The following CTNND2 variants were observed in gnomAD, a reference collection of about 807,000 sequenced individuals.
CTNND2 encodes the protein catenin delta 2, also known as catenin delta-2.
In CTNND2, 22 loss-of-function variants were observed where a neutral mutation model predicts 144.4. The observed-to-expected ratio is 0.15, with a 90% CI of 0.11 to 0.22. The LOEUF (loss-of-function observed/expected upper bound fraction) is 0.22. Ranked by LOEUF, CTNND2 falls within the 10% of genes least tolerant of loss-of-function variation. The pLI is 1.00. For missense variants in CTNND2, 1,353 were observed against 1,618.8 expected, an observed-to-expected ratio of 0.84 and a Z score of 2.82; for synonymous variants, 751 against 695.6, an observed-to-expected ratio of 1.08 and a Z score of -1.25.
chr5:11,397,497 A>G (rs2149816510), intron 5 of CTNND2, among the ~76,000 whole-genome samples: 1 of 152,264 alleles, frequency 6.6e-6, no homozygotes, highest in African/African-American at 2.4e-5. Context: ...TTAGTTAATC[A>G]AGTAGTTATT....
chr5:11,776,349 A>C (rs1790253233), intron 1 of CTNND2, among the ~76,000 whole-genome samples: 1 of 152,186 alleles, frequency 6.6e-6, no homozygotes, highest in African/African-American at 2.4e-5. Context: ...CCTCTGTAAG[A>C]TAGATACCCA....
intron 3 of CTNND2, among the ~76,000 whole-genome samples, chr5:11,418,024 C>A (rs918526661): frequency 1.3e-5 from 2 of 151,850 alleles, no homozygotes; most frequent in African/African-American, 4.8e-5. Context: ...ATATTTGTTG[C>A]ACCCAAATAA....
chr5:11,323,212 AAC>A (rs1180869792), intron 9 of CTNND2, among the ~76,000 whole-genome samples: 41 of 131,284 alleles, frequency 3.1e-4, no homozygotes, highest in African/African-American at 1.1e-3. Flanking sequence ...CAAATTAAAA[AAC>A]AAAAACATTT....
At chr5:11,177,492 T>C (rs1490378766) in intron 11 of CTNND2, among the ~76,000 whole-genome samples, 2 of 152,140 alleles carry the variant, frequency 1.3e-5, no homozygotes, top group African/African-American at 4.8e-5. Flanking sequence ...CACTCCTTAT[T>C]TGTGATTCCA....
intron 12 of CTNND2, among the ~76,000 whole-genome samples, chr5:11,156,923 C>G (rs550933187): frequency 6.6e-6 from 1 of 152,190 alleles, no homozygotes; most frequent in African/African-American, 2.4e-5. Flanking sequence ...AAGGAACCAA[C>G]AGAGAGGAAA....
chr5:11,753,592 T>C (rs1788742617), intron 1 of CTNND2, among the ~76,000 whole-genome samples: 1 of 151,928 alleles, frequency 6.6e-6, no homozygotes, highest in Non-Finnish European at 1.5e-5. Context: ...TTGATGACTT[T>C]TTACATCAAT....
intron 2 of CTNND2, among the ~76,000 whole-genome samples, chr5:11,690,530 G>A (rs547526753): frequency 1.5e-4 from 23 of 151,848 alleles, no homozygotes; most frequent in Admixed American, 3.3e-4. Context: ...TCATGAGATC[G>A]AGACCATCCT....
At chr5:11,402,205 G>A (rs929010081) in intron 5 of CTNND2, among the ~76,000 whole-genome samples, 13 of 152,064 alleles carry the variant, frequency 8.5e-5, no homozygotes, top group African/African-American at 2.7e-4. Context: ...ACAGTTCTCC[G>A]TTTCCTCAGC....
intron 21 of CTNND2, among the ~76,000 whole-genome samples, chr5:10,975,175 C>G (rs1736295010): frequency 6.6e-6 from 1 of 152,136 alleles, no homozygotes; most frequent in African/African-American, 2.4e-5. Flanking sequence ...GTTGGGGTGC[C>G]CTTTGCTATT....
At chr5:11,493,296 A>G (rs1769618187) in intron 3 of CTNND2, among the ~76,000 whole-genome samples, 1 of 152,124 alleles carries the variant, frequency 6.6e-6, no homozygotes, top group African/African-American at 2.4e-5. Flanking sequence ...TTGAAGTATC[A>G]GGGATAACTG....
At chr5:11,216,856 G>C (rs147396301) in intron 10 of CTNND2, among the ~76,000 whole-genome samples, 2 of 152,322 alleles carry the variant, frequency 1.3e-5, no homozygotes, top group African/African-American at 4.8e-5. Context: ...CAAAGTCCAA[G>C]CTGCTCCCTC....
chr5:11,212,559 C>G (rs739957), intron 10 of CTNND2, among the ~76,000 whole-genome samples: 29,996 of 152,154 alleles, frequency 0.2, 3,069 homozygotes, highest in Admixed American at 0.24. Context: ...AGATTGGGGG[C>G]CATTATTTTT....
chr5:11,184,774 G>C (rs1274203205), intron 11 of CTNND2, among the ~76,000 whole-genome samples: 1 of 152,170 alleles, frequency 6.6e-6, no homozygotes, highest in Non-Finnish European at 1.5e-5. Flanking sequence ...AGTGAATCAA[G>C]TTATGTAGAA....
chr5:11,592,741 G>T (rs1457148800), intron 2 of CTNND2, among the ~76,000 whole-genome samples: 1 of 151,378 alleles, frequency 6.6e-6, no homozygotes, highest in African/African-American at 2.4e-5. Flanking sequence ...GGGGGGTAAG[G>T]GGCCTGACTT....
chr5:11,618,803 A>G (rs1780698850), intron 2 of CTNND2, among the ~76,000 whole-genome samples: 2 of 152,158 alleles, frequency 1.3e-5, no homozygotes, highest in South Asian at 4.1e-4. Flanking sequence ...TTTTACATAT[A>G]TTGAGTATCA....
chr5:11,602,338 A>C (rs1000243014), intron 2 of CTNND2, among the ~76,000 whole-genome samples: 2 of 152,100 alleles, frequency 1.3e-5, no homozygotes, highest in Non-Finnish European at 2.9e-5. Context: ...GGAAGATCTG[A>C]GAATCCAAAG....
At chr5:11,568,277 AC>A (rs1159330087) in intron 2 of CTNND2, among the ~76,000 whole-genome samples, 3 of 152,096 alleles carry the variant, frequency 2.0e-5, no homozygotes, top group Non-Finnish European at 4.4e-5. Flanking sequence ...TGATATTTGG[AC>A]CCATGAACTC....
intron 9 of CTNND2, among the ~76,000 whole-genome samples, chr5:11,295,853 C>A (rs958331302): frequency 2.0e-5 from 3 of 151,974 alleles, no homozygotes; most frequent in African/African-American, 7.3e-5. Flanking sequence ...TAAAGACTTA[C>A]GTGTTAGACC....
chr5:11,407,293 TAAC>T (rs1761174399), intron 5 of CTNND2, among the ~76,000 whole-genome samples: 1 of 149,900 alleles, frequency 6.7e-6, no homozygotes, highest in African/African-American at 2.5e-5. Context: ...CTAGTTTGTT[TAAC>T]AATATTTGTT....
Sources: allele counts gnomAD v4.1 joint callset (sites outside exome capture counted in the v4.1 genomes callset), GRCh38; gene constraint gnomAD v4.1.1; transcripts MANE v1.5; gene names NCBI Gene and HGNC (gene_info 2026-07-23, HGNC 2026-07-21).